The following KIAA1217 variants were observed in gnomAD, a reference collection of about 807,000 sequenced individuals.
KIAA1217 encodes the protein sickle tail protein homolog.
A neutral mutation model predicts 163.9 loss-of-function variants in KIAA1217; 88 were observed. The observed-to-expected ratio is 0.54, with a 90% confidence interval of 0.45 to 0.64. The LOEUF is 0.64. KIAA1217 is among the 30% of genes least tolerant of loss of function. KIAA1217 has a pLI of 0.00. For synonymous variants in KIAA1217, 903 were observed against 923.1 expected (o/e 0.98, Z 0.39); for missense variants, 2,372 against 2,475.0 (o/e 0.96, Z 0.88).
chr10:23,808,686 A>G (rs1003109834), intron 1 of KIAA1217, among the ~76,000 whole-genome samples: 1 of 152,116 alleles, frequency 6.6e-6, no homozygotes, highest in Non-Finnish European at 1.5e-5. Context: ...AATGGAGGCT[A>G]CATTAAAAAC....
At chr10:24,300,543 C>G (rs2041189714) in intron 2 of KIAA1217, among the ~76,000 whole-genome samples, 1 of 152,096 alleles carries the variant, frequency 6.6e-6, no homozygotes, top group Non-Finnish European at 1.5e-5. Context: ...TTACGCTGTT[C>G]TGTGCATTTT....
At chr10:23,867,617 T>C (rs1266322729) in intron 1 of KIAA1217, among the ~76,000 whole-genome samples, 5 of 152,340 alleles carry the variant, frequency 3.3e-5, no homozygotes, top group African/African-American at 1.2e-4. Context: ...ATGAGCATTT[T>C]TTCATGTGTT....
chr10:24,028,378 C>G (rs1245530412), intron 2 of KIAA1217, among the ~76,000 whole-genome samples: 1 of 152,050 alleles, frequency 6.6e-6, no homozygotes, highest in Non-Finnish European at 1.5e-5. Context: ...TACAGCATAT[C>G]AGATACATAC....
intron 19 of KIAA1217, 93 bp downstream of exon 19, chr10:24,544,574 C>T: frequency 5.6e-6 from 8 of 1,432,996 alleles, no homozygotes; most frequent in Non-Finnish European, 7.4e-6. Context: ...AACTTAATTG[C>T]TTTCTTTCAG....
chr10:24,415,017 A>G (rs1346348963), intron 3 of KIAA1217, among the ~76,000 whole-genome samples: 1 of 151,950 alleles, frequency 6.6e-6, no homozygotes, highest in Non-Finnish European at 1.5e-5. Flanking sequence ...GATTTAAGTC[A>G]TGGGAATGAC....
chr10:24,105,595 A>G (rs2062593780), intron 2 of KIAA1217, among the ~76,000 whole-genome samples: 1 of 152,178 alleles, frequency 6.6e-6, no homozygotes, highest in African/African-American at 2.4e-5. Flanking sequence ...ACTGATCTCC[A>G]TGGCCTGCAG....
chr10:24,096,422 C>T (rs2062165013), intron 2 of KIAA1217, among the ~76,000 whole-genome samples: 1 of 152,210 alleles, frequency 6.6e-6, no homozygotes, highest in Non-Finnish European at 1.5e-5. Context: ...CCAGTAGGCT[C>T]TTATGCAAAC....
At position 24,536,839 on chromosome 10, in the gene KIAA1217, C is replaced by G. The variant is rs368933412; in HGVS notation, c.3480C>G (p.Asp1160Glu). ...GTCATGCTGAGCCATCCCGGGCTGA[C>G]AGTCACGTTAAAGACACTAGGTCGG... ...SNSHAEPSRADSHVKDTRSGA... is the reference protein window; with the variant it reads ...SNSHAEPSRAESHVKDTRSGA... Residue 1160 changes from aspartate (D) to glutamate (E), a missense_variant, in exon 17 of 21, where the codon GAC (aspartate) becomes GAG (glutamate). Physicochemically the swap from Asp to Glu is conservative, Grantham distance 45. Transcript: ENST00000376454. 1.6e-4 allele frequency: 265 copies of G among 1,613,926 alleles called. No homozygotes were observed. Among genetic ancestry groups the G allele is most frequent in the Admixed American group, 3.0e-4 (18 of 60,000 alleles).
intron 4 of KIAA1217, among the ~76,000 whole-genome samples, chr10:24,436,487 T>G (rs181406230): frequency 1.8e-3 from 273 of 147,662 alleles, no homozygotes; most frequent in South Asian, 5.3e-3. Flanking sequence ...GGCTGGGCGC[T>G]GTGGCTCACG....
intron 2 of KIAA1217, among the ~76,000 whole-genome samples, chr10:24,031,774 GGA>G (rs1848196168): frequency 6.6e-6 from 1 of 152,092 alleles, no homozygotes; most frequent in East Asian, 1.9e-4. Flanking sequence ...AAATGGAAAA[GGA>G]ATCTTTAAAC....
intron 2 of KIAA1217, among the ~76,000 whole-genome samples, chr10:24,060,440 T>C (rs2060680854): frequency 6.6e-6 from 1 of 152,190 alleles, no homozygotes; most frequent in Non-Finnish European, 1.5e-5. Flanking sequence ...TTCAAATTTT[T>C]CTTCTGCTAT....
At chr10:24,133,108 T>G (rs923423650) in intron 2 of KIAA1217, among the ~76,000 whole-genome samples, 4 of 151,284 alleles carry the variant, frequency 2.6e-5, no homozygotes, top group African/African-American at 9.7e-5. Flanking sequence ...AGAAAACCTT[T>G]AAGTGGAGCC....
chr10:23,903,464 G>A (rs1564520610), intron 1 of KIAA1217, among the ~76,000 whole-genome samples: 1 of 152,076 alleles, frequency 6.6e-6, no homozygotes, highest in Non-Finnish European at 1.5e-5. Flanking sequence ...CAAAGAAATA[G>A]GAAAAACTGT....
At chr10:24,357,974 G>T (rs564634879) in intron 2 of KIAA1217, among the ~76,000 whole-genome samples, 1 of 152,156 alleles carries the variant, frequency 6.6e-6, no homozygotes, top group East Asian at 1.9e-4. Flanking sequence ...AGCCATGCAC[G>T]TAAACTCCCC....
chr10:23,890,470 G>T (rs1287760739), intron 1 of KIAA1217, among the ~76,000 whole-genome samples: 1 of 151,640 alleles, frequency 6.6e-6, no homozygotes, highest in Non-Finnish European at 1.5e-5. Flanking sequence ...ATTTTGAAAG[G>T]CTTTCTCATT....
At position 23,960,295 on chromosome 10, in the gene KIAA1217, A is replaced by G. The variant is rs7097048; in HGVS notation, c.-320-46930A>G. 8.6e-3 allele frequency among the ~76,000 whole-genome samples: 1,293 copies of G among 149,768 alleles called. 19 individuals are homozygous for G. The highest frequency in any genetic ancestry group is 0.028 in the African/African-American group (1,159 of 40,678). Reference sequence around the variant, plus strand: ...CCTTCTTGCTTCTGCTGTTTTCTCAAATGCCAAGGCTGGAGTGCAGTGGTG... The same window carrying G: ...CCTTCTTGCTTCTGCTGTTTTCTCAGATGCCAAGGCTGGAGTGCAGTGGTG... On this transcript the variant is annotated intron_variant, in intron 1 of 18. Transcript: ENST00000376462.
At chr10:24,183,967 C>T (rs1015049292) in intron 2 of KIAA1217, among the ~76,000 whole-genome samples, 3 of 152,156 alleles carry the variant, frequency 2.0e-5, no homozygotes, top group Non-Finnish European at 4.4e-5. Flanking sequence ...CATTCTTCAC[C>T]ATCTTTACAA....
chr10:23,928,953 T>G (rs1843140503), intron 1 of KIAA1217, among the ~76,000 whole-genome samples: 1 of 152,252 alleles, frequency 6.6e-6, no homozygotes, highest in Admixed American at 6.5e-5. Flanking sequence ...AAGTCAACTA[T>G]GCAAAGGTCT....
intron 1 of KIAA1217, among the ~76,000 whole-genome samples, chr10:23,808,938 G>A (rs912601958): frequency 1.3e-5 from 2 of 152,032 alleles, no homozygotes; most frequent in African/African-American, 2.4e-5. Flanking sequence ...AGGCAAATCC[G>A]TAACAAGGAA....
Sources: allele counts gnomAD v4.1 joint callset (sites outside exome capture counted in the v4.1 genomes callset), GRCh38; gene constraint gnomAD v4.1.1; transcripts MANE v1.5; gene names NCBI Gene and HGNC (gene_info 2026-07-23, HGNC 2026-07-21).